The following RTF1 variants were observed in gnomAD, a reference collection of about 807,000 sequenced individuals.
The protein encoded by RTF1 is RTF1 homolog, Paf1/RNA polymerase II complex component.
Under a neutral mutation model 95.7 loss-of-function variants are expected in RTF1, and 10 were observed. The observed-to-expected ratio is 0.10, with a 90% confidence interval of 0.06 to 0.18. The LOEUF is 0.18. RTF1 is among the 10% of genes least tolerant of loss of function. RTF1 has a pLI of 1.00. For synonymous variants in RTF1, 305 were observed against 311.8 expected (o/e 0.98, Z 0.23); for missense variants, 458 against 875.6 (o/e 0.52, Z 6.02).
chr15:41,441,295 C>T (rs573952469), intron 2 of RTF1, among the ~76,000 whole-genome samples: 1 of 152,122 alleles, frequency 6.6e-6, no homozygotes, highest in Non-Finnish European at 1.5e-5. Flanking sequence ...CTTATAGCTA[C>T]TTTTATTTTT....
intron 4 of RTF1, 23 bp downstream of exon 4, chr15:41,457,899 C>T (rs759880693): frequency 3.2e-6 from 1 of 311,938 alleles, no homozygotes; most frequent in Non-Finnish European, 4.7e-6. Context: ...TCGTCGTTGT[C>T]CCCCCCCCGC....
At chr15:41,434,125 G>A (rs1478125928) in intron 1 of RTF1, among the ~76,000 whole-genome samples, 5 of 149,776 alleles carry the variant, frequency 3.3e-5, no homozygotes, top group Non-Finnish European at 4.4e-5. Context: ...AATTACAGGC[G>A]TGAGCCACCA....
rs185123808 is a variant in RTF1 at position 41,424,779 on chromosome 15, G to A, written c.198+7466G>A. ...TAATCCCAGCACTTTGGGAGGCCGA[G>A]GTGGGTGGATCATATGAGGCCAGGA... On this transcript the variant is annotated intron_variant, in intron 1 of 17. Transcript: ENST00000389629. Among the ~76,000 whole-genome samples the A allele has an allele frequency of 2.1e-3, 316 of 152,274 alleles. 1 individual carries two copies. Among genetic ancestry groups the A allele is most frequent in the Non-Finnish European group, 2.9e-3 (199 of 68,010 alleles).
At chr15:41,459,812 A>T (rs1174594278) in intron 4 of RTF1, among the ~76,000 whole-genome samples, 1 of 152,218 alleles carries the variant, frequency 6.6e-6, no homozygotes, top group Non-Finnish European at 1.5e-5. Context: ...AACTTTTGCC[A>T]TATTTTAAAT....
At chr15:41,478,341 C>T (rs972609235) in intron 14 of RTF1, 2 of 516,258 alleles carry the variant, frequency 3.9e-6, no homozygotes, top group Admixed American at 3.6e-5. Flanking sequence ...GCAGCAGATG[C>T]AATGAGCTGA....
At chr15:41,453,139 T>G in intron 3 of RTF1, 91 bp downstream of exon 3, 187 of 1,079,602 alleles carry the variant, frequency 1.7e-4, no homozygotes, top group Non-Finnish European at 2.2e-4. Flanking sequence ...GGGGGGTACT[T>G]GCATTCAGCA....
chr15:41,477,677 C>T (rs778482751), intron 14 of RTF1, 162 bp downstream of exon 14: 19 of 657,874 alleles, frequency 2.9e-5, no homozygotes, highest in Non-Finnish European at 5.1e-5. Flanking sequence ...ATAATTTATT[C>T]ATAATGAAAA....
At chr15:41,476,416 C>G (rs1478196261) in intron 11 of RTF1, 30 bp from the exon 12 acceptor site, 1 of 1,594,052 alleles carries the variant, frequency 6.3e-7, no homozygotes. Context: ...TTAGGAATAC[C>G]TCACTGCTGG....
rs895955263 is a variant in RTF1, at chr15:41,417,106, C to G, written c.-10C>G. 4 of 1,235,288 alleles carry G rather than the reference C, an allele frequency of 3.2e-6. No homozygotes were observed. Among genetic ancestry groups the G allele is most frequent in the South Asian group, 4.1e-5 (1 of 24,402 alleles). The allele number at this position is 1,235,288 out of a possible 1,614,324, so 76.5% of individuals were successfully genotyped here. On this transcript the variant is annotated 5_prime_UTR_variant, in exon 1 of 18. Coordinates refer to ENST00000389629, the MANE Select transcript of RTF1 (RefSeq NM_015138.5). ...AGGGGGCGGGGCCAGGGGGGCGGAG[C>G]GGAGCGCGCATGCGCGGTCGCCTTT...
intron 12 of RTF1, 140 bp from the exon 13 acceptor site, chr15:41,477,025 C>T: frequency 9.7e-7 from 1 of 1,035,538 alleles, no homozygotes; most frequent in South Asian, 1.4e-5. Flanking sequence ...TTGTAAAGTA[C>T]TTCTACAGTA....
At chr15:41,458,021 T>C in intron 4 of RTF1, 145 bp downstream of exon 4, 1 of 643,678 alleles carries the variant, frequency 1.6e-6, no homozygotes, top group Non-Finnish European at 2.8e-6. Flanking sequence ...ACGCAAGTGA[T>C]GTATTAAATT....
chr15:41,437,626 G>C (rs1479562277), intron 1 of RTF1, among the ~76,000 whole-genome samples: 1 of 152,204 alleles, frequency 6.6e-6, no homozygotes, highest in Non-Finnish European at 1.5e-5. Flanking sequence ...CTGAGTTGAG[G>C]AGACTTCAAG....
Position 41,437,915 on chromosome 15 carries a change from T to C in RTF1, c.199-406T>C, listed in dbSNP as rs183320940. Among the ~76,000 whole-genome samples the C allele has an allele frequency of 4.3e-4, 65 of 152,298 alleles. No homozygotes were observed. The East Asian group carries it at 8.3e-3, about 19-fold the overall frequency. ...TACAGTTTGTAAGCTTATTCAAAAC[T>C]GCCCCACAAATGCCAATTTTACCAT... On this transcript the variant is annotated intron_variant, in intron 1 of 17. Transcript: ENST00000389629.
intron 1 of RTF1, among the ~76,000 whole-genome samples, chr15:41,418,784 CAAAA>C (rs753790136): frequency 1.9e-5 from 1 of 52,842 alleles, no homozygotes. Flanking sequence ...AACTCCATCA[CAAAA>C]AAAAAAAAAA....
At chr15:41,426,233 C>A (rs2050628669) in intron 1 of RTF1, among the ~76,000 whole-genome samples, 1 of 151,908 alleles carries the variant, frequency 6.6e-6, no homozygotes, top group Non-Finnish European at 1.5e-5. Flanking sequence ...AAGCGATTCT[C>A]GTGCCTCAGC....
At position 41,457,847 on chromosome 15, in the gene RTF1, C is replaced by T; in HGVS notation, c.633C>T (p.Arg211=). The change falls in exon 4 of 18, where the codon CGC becomes CGT. Residue 211 remains arginine (R), a synonymous_variant. Transcript: ENST00000389629. The part of the protein sequence containing the change: ...EKEREQELFN[R]IEKREVLKRR... Reference sequence around the variant, plus strand: ...AGAGAGAGCAAGAACTGTTCAATCGCATAGAGAAGAGGGAGGTGTTGAAAA... The same window carrying T: ...AGAGAGAGCAAGAACTGTTCAATCGTATAGAGAAGAGGGAGGTGTTGAAAA... The T allele has an allele frequency of 1.2e-6, 2 of 1,613,990 alleles. No individual in the cohort carries two copies. Among genetic ancestry groups the T allele is most frequent in the South Asian group, 1.1e-5 (1 of 91,068 alleles).
intron 2 of RTF1, among the ~76,000 whole-genome samples, chr15:41,449,194 T>C (rs971902689): frequency 2.0e-5 from 3 of 151,592 alleles, no homozygotes; most frequent in Non-Finnish European, 2.9e-5. Context: ...TATTTTATTT[T>C]ATTTTTTTTG....
chr15:41,454,880 G>C (rs985116944), intron 3 of RTF1, among the ~76,000 whole-genome samples: 1 of 152,168 alleles, frequency 6.6e-6, no homozygotes. Context: ...AGCCACATTT[G>C]AGTTTGTGAA....
chr15:41,457,993 G>C, intron 4 of RTF1, 117 bp downstream of exon 4: 1 of 731,448 alleles, frequency 1.4e-6, no homozygotes, highest in East Asian at 2.7e-5. Context: ...ATTTGGAATT[G>C]ACTGTTAACA....
Sources: gnomAD v4.1 joint callset for allele counts (sites outside exome capture counted in the v4.1 genomes callset) on GRCh38, gnomAD v4.1.1 for gene constraint, MANE v1.5 for transcripts, NCBI Gene and HGNC (gene_info 2026-07-23, HGNC 2026-07-21) for gene names.